The following BNC2 variants were observed in gnomAD, a reference collection of about 807,000 sequenced individuals.
BNC2 encodes the protein zinc finger protein basonuclin-2.
A neutral mutation model predicts 76.3 loss-of-function variants in BNC2; 20 were observed. That is an observed-to-expected ratio of 0.26 (90% CI 0.18 to 0.38). BNC2 has a LOEUF of 0.38. Ranked by LOEUF, BNC2 falls within the 10% of genes least tolerant of loss-of-function variation. The pLI is 1.00. For missense variants in BNC2, 1,382 were observed against 1,399.8 expected (o/e 0.99, Z 0.20); for synonymous variants, 582 against 514.8 (o/e 1.13, Z -1.77).
intron 3 of BNC2, among the ~76,000 whole-genome samples, chr9:16,685,254 A>T (rs1291102443): frequency 6.6e-6 from 1 of 152,226 alleles, no homozygotes; most frequent in Non-Finnish European, 1.5e-5. Flanking sequence ...AAATTAAGTG[A>T]CTTGCCAAAG....
At chr9:16,432,803 G>A (rs1820932448) in intron 6 of BNC2, among the ~76,000 whole-genome samples, 1 of 152,130 alleles carries the variant, frequency 6.6e-6, no homozygotes, top group Admixed American at 6.5e-5. Flanking sequence ...GTTGGCTCAA[G>A]AAAAAGGTAA....
Position 16,601,305 on chromosome 9 carries a change from C to T in BNC2, c.331-18220G>A, listed in dbSNP as rs187640964. Among the ~76,000 whole-genome samples the T allele has an allele frequency of 2.6e-3, 395 of 152,232 alleles. 2 individuals carry two copies. Among genetic ancestry groups the T allele is most frequent in the Non-Finnish European group, 3.8e-3 (261 of 68,010 alleles). ...AAGAAGTGCCTCCTCAAATTTTGTA[C>T]CTCGGGCACCTCATTTGGCTCACCC... On this transcript the variant is annotated intron_variant, in intron 3 of 6. Coordinates refer to ENST00000380672, the MANE Select transcript of BNC2 (RefSeq NM_017637.6).
At chr9:16,673,111 A>G (rs1479297488) in intron 3 of BNC2, among the ~76,000 whole-genome samples, 1 of 152,166 alleles carries the variant, frequency 6.6e-6, no homozygotes, top group Non-Finnish European at 1.5e-5. Flanking sequence ...GCATTCTCAT[A>G]TAAAAGATAA....
intron 1 of BNC2, among the ~76,000 whole-genome samples, chr9:16,841,902 C>T (rs1818838872): frequency 6.6e-6 from 1 of 151,852 alleles, no homozygotes; most frequent in South Asian, 2.1e-4. Flanking sequence ...CTCCACCTCC[C>T]GAGTTCAAGT....
chr9:16,708,791 C>A (rs1008029358), intron 3 of BNC2, among the ~76,000 whole-genome samples: 5 of 152,044 alleles, frequency 3.3e-5, no homozygotes, highest in African/African-American at 1.2e-4. Context: ...GGAGCTGGAG[C>A]CCCACAACAA....
At chr9:16,780,890 A>C (rs1304422052) in intron 1 of BNC2, among the ~76,000 whole-genome samples, 1 of 152,148 alleles carries the variant, frequency 6.6e-6, no homozygotes, top group Non-Finnish European at 1.5e-5. Context: ...GTTTTCTTTT[A>C]ATTCTTAACT....
intron 3 of BNC2, among the ~76,000 whole-genome samples, chr9:16,662,082 C>T (rs566950032): frequency 6.2e-4 from 95 of 152,258 alleles, no homozygotes; most frequent in Admixed American, 2.0e-3. Flanking sequence ...GTTTGGTTAA[C>T]CATTCAAAAG....
chr9:16,453,661 C>T (rs981619533), intron 5 of BNC2, among the ~76,000 whole-genome samples: 3 of 152,114 alleles, frequency 2.0e-5, no homozygotes, highest in Admixed American at 6.6e-5. Flanking sequence ...TTAAAATAAA[C>T]CTCAGCCGGG....
At chr9:16,704,081 T>A (rs1823590796) in intron 3 of BNC2, among the ~76,000 whole-genome samples, 1 of 152,202 alleles carries the variant, frequency 6.6e-6, no homozygotes, top group Non-Finnish European at 1.5e-5. Flanking sequence ...AATACATATT[T>A]CTCCTATACA....
chr9:16,664,488 C>G (rs1419379942), intron 3 of BNC2, among the ~76,000 whole-genome samples: 1 of 152,104 alleles, frequency 6.6e-6, no homozygotes, highest in Non-Finnish European at 1.5e-5. Flanking sequence ...GGCCTCTCTC[C>G]TTTTAGCTGA....
chr9:16,758,965 G>A (rs972098542), intron 1 of BNC2, among the ~76,000 whole-genome samples: 3 of 152,100 alleles, frequency 2.0e-5, no homozygotes, highest in African/African-American at 7.2e-5. Flanking sequence ...GTATTCTACG[G>A]TCAAAGTTCA....
chr9:16,668,177 G>C (rs1191096242), intron 3 of BNC2, among the ~76,000 whole-genome samples: 2 of 152,160 alleles, frequency 1.3e-5, no homozygotes. Flanking sequence ...ACCTCACTGG[G>C]AGACCTCACT....
At chr9:16,667,771 T>C (rs565372962) in intron 3 of BNC2, among the ~76,000 whole-genome samples, 1 of 152,320 alleles carries the variant, frequency 6.6e-6, no homozygotes, top group Non-Finnish European at 1.5e-5. Flanking sequence ...GAGGACCTAC[T>C]ATGTATGGGG....
At chr9:16,670,884 GTC>G in intron 3 of BNC2, among the ~76,000 whole-genome samples, 1 of 152,188 alleles carries the variant, frequency 6.6e-6, no homozygotes, top group East Asian at 1.9e-4. Flanking sequence ...TCTCTGTCAC[GTC>G]TCTTATTCTA....
chr9:16,634,861 G>A (rs902250403), intron 3 of BNC2, among the ~76,000 whole-genome samples: 2 of 149,890 alleles, frequency 1.3e-5, no homozygotes, highest in African/African-American at 2.5e-5. Context: ...ACTGAGGGGA[G>A]GGGGAACACA....
intron 3 of BNC2, among the ~76,000 whole-genome samples, chr9:16,719,394 G>A (rs564488831): frequency 1.3e-5 from 2 of 152,130 alleles, no homozygotes; most frequent in Non-Finnish European, 2.9e-5. Flanking sequence ...TTTAATATTA[G>A]TTTTGTTATT....
chr9:16,614,554 A>G (rs1337306690), intron 3 of BNC2, among the ~76,000 whole-genome samples: 1 of 152,142 alleles, frequency 6.6e-6, no homozygotes, highest in Non-Finnish European at 1.5e-5. Flanking sequence ...ATAAAAAGAA[A>G]GCAAGGTTAG....
At chr9:16,870,354 G>C (rs925790726) in intron 1 of BNC2, among the ~76,000 whole-genome samples, 4 of 152,082 alleles carry the variant, frequency 2.6e-5, no homozygotes, top group African/African-American at 9.7e-5. Context: ...CCTTCGCGCG[G>C]AAGCCGCGAG....
rs1198034990 is a variant in BNC2 at position 16,430,511 on chromosome 9, A to T, written c.2639+5044T>A. Among the ~76,000 whole-genome samples the T allele has an allele frequency of 2.0e-5, 3 of 152,212 alleles. No homozygotes were observed. In the East Asian group the frequency reaches 5.8e-4, roughly 29 times the overall value. On this transcript the variant is annotated intron_variant, in intron 6 of 6. Transcript: ENST00000380672. ...GAAAAAGTTCTGTATAAGTTTCCAA[A>T]CATAGAGAATGATGGAAAAAATGGT... is the stretch of plus-strand genomic sequence containing the variant.
Sources: gnomAD v4.1 joint callset for allele counts (sites outside exome capture counted in the v4.1 genomes callset) on GRCh38, gnomAD v4.1.1 for gene constraint, MANE v1.5 for transcripts, NCBI Gene and HGNC (gene_info 2026-07-23, HGNC 2026-07-21) for gene names.